The following SPATA9 variants were observed in gnomAD, a reference collection of about 807,000 sequenced individuals.
SPATA9 encodes spermatogenesis associated 9.
Under a neutral mutation model 25.5 loss-of-function variants are expected in SPATA9, and 27 were observed. The ratio of observed to expected loss-of-function variants is 1.06; its 90% CI spans 0.78 to 1.46. The LOEUF is 1.46. Among genes scored for constraint, SPATA9 ranks in the 40% most tolerant of loss-of-function variants. The pLI is 0.00. For synonymous variants in SPATA9, 102 were observed against 105.7 expected, an observed-to-expected ratio of 0.97 and a Z score of 0.21; for missense variants, 282 against 297.5, an observed-to-expected ratio of 0.95 and a Z score of 0.38.
At chr5:95,731,368 G>A in the SPATA9 span, 4 of 1,145,418 alleles carry the variant, frequency 3.5e-6, no homozygotes, top group Non-Finnish European at 4.3e-6. Flanking sequence ...CCGAGGAGGC[G>A]CGGCGGAGAG....
chr5:95,724,865 T>A, the SPATA9 span, among the ~76,000 whole-genome samples: 1 of 152,238 alleles, frequency 6.6e-6, no homozygotes, highest in African/African-American at 2.4e-5. Flanking sequence ...ATGTAATGCC[T>A]GGTACATGGT....
At chr5:95,656,062 C>T (rs149239613), downstream of SPATA9, 97 of 1,613,302 alleles carry the variant, frequency 6.0e-5, no homozygotes, top group Non-Finnish European at 7.2e-5. Flanking sequence ...GATGGACGAC[C>T]GTGTATAGTT....
chr5:95,722,200 C>G, the SPATA9 span, among the ~76,000 whole-genome samples: 1 of 152,082 alleles, frequency 6.6e-6, no homozygotes, highest in African/African-American at 2.4e-5. Flanking sequence ...AACAACACAG[C>G]AAGCAAAGGG....
At chr5:95,653,905 T>A (rs1187262867), downstream of SPATA9, among the ~76,000 whole-genome samples, 1 of 152,072 alleles carries the variant, frequency 6.6e-6, no homozygotes, top group Non-Finnish European at 1.5e-5. Context: ...CTCAAAATAA[T>A]AATAATCTAG....
At chr5:95,689,357 G>A (rs1033174453) in intron 1 of SPATA9, among the ~76,000 whole-genome samples, 5 of 152,184 alleles carry the variant, frequency 3.3e-5, no homozygotes, top group African/African-American at 9.7e-5. Context: ...ATAAATACAT[G>A]AGTAAGGTAA....
chr5:95,675,737 G>T, intron 2 of SPATA9, 98 bp from the exon 3 acceptor site: 2 of 931,070 alleles, frequency 2.1e-6, no homozygotes, highest in Non-Finnish European at 3.3e-6. Flanking sequence ...ACTACATTGT[G>T]CATGGTGTCA....
chr5:95,731,904 C>G, the SPATA9 span: 1 of 1,613,970 alleles, frequency 6.2e-7, no homozygotes, highest in African/African-American at 1.3e-5. Context: ...ACACATTCCA[C>G]CAGGACAACC....
At chr5:95,656,319 T>A, downstream of SPATA9, 1 of 1,587,566 alleles carries the variant, frequency 6.3e-7, no homozygotes, top group Non-Finnish European at 8.6e-7. Context: ...ATAAAAAATA[T>A]ATAGAAATGA....
intron 1 of SPATA9, among the ~76,000 whole-genome samples, chr5:95,692,528 C>A (rs1753919335): frequency 6.6e-6 from 1 of 151,800 alleles, no homozygotes; most frequent in Admixed American, 6.6e-5. Context: ...TATATTTTTT[C>A]CTTTTTCTTT....
the SPATA9 span, among the ~76,000 whole-genome samples, chr5:95,716,073 G>A: frequency 6.6e-6 from 1 of 152,250 alleles, no homozygotes; most frequent in Admixed American, 6.5e-5. Flanking sequence ...CTTTGGTGAG[G>A]ATGGAGAGTA....
chr5:95,679,345 C>T (rs1011402135), intron 2 of SPATA9, among the ~76,000 whole-genome samples: 15 of 152,200 alleles, frequency 9.9e-5, no homozygotes, highest in Admixed American at 3.3e-4. Flanking sequence ...TCTTTCCTTC[C>T]TACTCCAGAG....
At chr5:95,698,509 C>T (rs1754095572) in intron 1 of SPATA9, 1 of 152,170 alleles carries the variant, frequency 6.6e-6, no homozygotes, top group Non-Finnish European at 1.5e-5. Flanking sequence ...AGACAAATAA[C>T]CTCGGGTTAT....
At position 95,690,183 on chromosome 5, in the gene SPATA9, T is replaced by C. The variant is rs1753846343; in HGVS notation, n.124+8405A>G. On this transcript the variant is annotated intron_variant and non_coding_transcript_variant, in intron 1 of 2. Transcript: ENST00000379990. ...TACACATGAACTGCTAAAATAAAAG[T>C]TAAAAAAAAGAAGATCAAAGAACAA... 2.6e-5 allele frequency among the ~76,000 whole-genome samples: 4 copies of C among 151,782 alleles called. No individual in the cohort carries two copies. In the South Asian group the frequency reaches 6.3e-4, roughly 24 times the overall value.
the SPATA9 span, among the ~76,000 whole-genome samples, chr5:95,727,531 C>T: frequency 6.6e-6 from 1 of 152,140 alleles, no homozygotes; most frequent in Non-Finnish European, 1.5e-5. Flanking sequence ...GGCATTTCAG[C>T]CACTAAAATA....
chr5:95,653,197 G>A (rs1268520563), exon 9 of SPATA9: 5 of 1,551,636 alleles, frequency 3.2e-6, no homozygotes, highest in South Asian at 2.4e-5. Flanking sequence ...TCATCTCAGT[G>A]ACCAGTTTTT....
At chr5:95,731,395 G>A in the SPATA9 span, 24 of 1,176,174 alleles carry the variant, frequency 2.0e-5, no homozygotes, top group Non-Finnish European at 2.5e-5. Context: ...GCGGTCAGCT[G>A]CGTCCACTTG....
At chr5:95,666,812 T>A (rs1328082746) in intron 3 of SPATA9, among the ~76,000 whole-genome samples, 1 of 152,236 alleles carries the variant, frequency 6.6e-6, no homozygotes, top group Non-Finnish European at 1.5e-5. Flanking sequence ...ACACTTAATT[T>A]GTGCACTATT....
chr5:95,726,995 T>G, the SPATA9 span, among the ~76,000 whole-genome samples: 19 of 152,118 alleles, frequency 1.2e-4, no homozygotes, highest in Admixed American at 6.6e-4. Context: ...ATAATGTGTG[T>G]GATTAGAAGT....
intron 3 of SPATA9, 75 bp from the exon 4 acceptor site, chr5:95,664,123 G>A (rs1751537251): frequency 2.6e-6 from 2 of 778,834 alleles, no homozygotes; most frequent in Non-Finnish European, 3.8e-6. Context: ...CAATGTTACT[G>A]TAAAATGAGA....
Sources: gnomAD v4.1 joint callset for allele counts (sites outside exome capture counted in the v4.1 genomes callset) on GRCh38, gnomAD v4.1.1 for gene constraint, MANE v1.5 for transcripts, NCBI Gene and HGNC (gene_info 2026-07-23, HGNC 2026-07-21) for gene names.